RCBTB2: variants seen among roughly 807,000 people sequenced by gnomAD.
The protein encoded by RCBTB2 is RCC1 and BTB domain-containing protein 2.
Under a neutral mutation model 65.4 loss-of-function variants are expected in RCBTB2, and 55 were observed. The ratio of observed to expected loss-of-function variants is 0.84; its 90% CI spans 0.68 to 1.05. The LOEUF (loss-of-function observed/expected upper bound fraction) is 1.05. Among genes scored for constraint, RCBTB2 ranks in the 50% least tolerant of loss-of-function variants. RCBTB2 has a pLI of 0.00. For synonymous variants in RCBTB2, 220 were observed against 255.2 expected (o/e 0.86, Z 1.31); for missense variants, 599 against 680.1 (o/e 0.88, Z 1.33).
intron 3 of RCBTB2, 49 bp from the exon 4 acceptor site, chr13:48,522,011 AC>A: frequency 6.7e-7 from 1 of 1,499,752 alleles, no homozygotes; most frequent in Non-Finnish European, 9.2e-7. Flanking sequence ...GTTCGATGGA[AC>A]CAGGCAGGTT....
At position 48,512,022 on chromosome 13, in the gene RCBTB2, C is replaced by A. The variant is rs754012315; in HGVS notation, c.669G>T (p.Thr223=). The A allele has an allele frequency of 6.2e-7, 1 of 1,613,654 alleles. No individual in the cohort carries two copies. The highest frequency in any genetic ancestry group is 8.5e-7 in the Non-Finnish European group (1 of 1,179,586). The part of the protein sequence containing the change: ...GQMCCMAVVD[T]GEVYVWGYNG... ...TGTAAAATAACTTCCTTACCTCCCCCGTGTCTACTACTGCCATGCAGCACA... is the reference window on the plus strand; with the variant it reads ...TGTAAAATAACTTCCTTACCTCCCCAGTGTCTACTACTGCCATGCAGCACA... Residue 223 remains threonine (T), a synonymous_variant, in exon 8 of 15, where the codon ACG becomes ACT. Transcript: ENST00000344532.
rs1429851406 is a variant in RCBTB2 at position 48,490,198 on chromosome 13, T to TG, written c.1568dup (p.Gln524ThrfsTer11). The stretch of plus-strand genomic sequence containing the variant: ...CCATTTCTGCAAAACCTGATGTTTG[T>TG]GTTACTACAGTCAGATGGTTTATGC... On this transcript the variant is annotated frameshift_variant, in exon 15 of 15. Coordinates refer to ENST00000344532, the MANE Select transcript of RCBTB2 (RefSeq NM_001268.4). LOFTEE classifies it high-confidence loss of function. 1 of 1,613,928 alleles carries TG rather than the reference T, an allele frequency of 6.2e-7. No homozygotes were observed. The highest frequency in any genetic ancestry group is 8.5e-7 in the Non-Finnish European group (1 of 1,179,784).
intron 14 of RCBTB2, among the ~76,000 whole-genome samples, chr13:48,493,316 C>CACACACACACT (rs1566254752): frequency 4.0e-5 from 1 of 24,778 alleles, no homozygotes; most frequent in African/African-American, 1.5e-4. Context: ...CACACACACA[C>CACACACACACT]TCTCTCTCTC....
intron 1 of RCBTB2, among the ~76,000 whole-genome samples, chr13:48,525,405 T>C (rs1951665094): frequency 7.2e-6 from 1 of 138,066 alleles, no homozygotes; most frequent in African/African-American, 2.8e-5. Flanking sequence ...TATATATATA[T>C]ATATATATAT....
chr13:48,527,782 T>C (rs938469519), intron 1 of RCBTB2, among the ~76,000 whole-genome samples: 4 of 152,340 alleles, frequency 2.6e-5, no homozygotes, highest in South Asian at 4.1e-4. Flanking sequence ...ATATTCTATG[T>C]TGAGAGTTTT....
chr13:48,526,974 A>T (rs886290693), intron 1 of RCBTB2, among the ~76,000 whole-genome samples: 3 of 152,168 alleles, frequency 2.0e-5, no homozygotes, highest in African/African-American at 7.2e-5. Context: ...AACATATCCA[A>T]TGAGTAGCAT....
intron 13 of RCBTB2, among the ~76,000 whole-genome samples, chr13:48,497,970 A>G (rs939447180): frequency 1.3e-5 from 2 of 152,188 alleles, no homozygotes; most frequent in African/African-American, 4.8e-5. Flanking sequence ...CAGGGTGGCT[A>G]AGGAGCCACA....
chr13:48,525,325 G>A (rs1269616441), intron 1 of RCBTB2, among the ~76,000 whole-genome samples: 2 of 134,086 alleles, frequency 1.5e-5, no homozygotes, highest in Non-Finnish European at 3.1e-5. Flanking sequence ...CTGCAAATCA[G>A]TAAGAATAAA....
At chr13:48,500,360 C>A (rs1195888550) in intron 12 of RCBTB2, among the ~76,000 whole-genome samples, 1 of 152,104 alleles carries the variant, frequency 6.6e-6, no homozygotes. Flanking sequence ...GAGTTTGAGA[C>A]CAGCCTGGCC....
intron 10 of RCBTB2, 42 bp downstream of exon 10, chr13:48,510,587 C>T (rs1296279800): frequency 1.3e-6 from 2 of 1,596,816 alleles, no homozygotes; most frequent in Non-Finnish European, 1.7e-6. Flanking sequence ...TAATCACAAT[C>T]ACCAAAGACC....
At position 48,525,359 on chromosome 13, in the gene RCBTB2, A is replaced by G. The variant is rs73486817; in HGVS notation, c.-218-602T>C. ...AAACAAACGACACAATTCAAAAGTG[A>G]GCAAAGGATTCATGATATATATATA... On this transcript the variant is annotated intron_variant, in intron 1 of 14. Coordinates refer to ENST00000344532, the MANE Select transcript of RCBTB2 (RefSeq NM_001268.4). Among the ~76,000 whole-genome samples, 607 of 137,992 alleles carry G rather than the reference A, an allele frequency of 4.4e-3. 4 individuals carry two copies. Among genetic ancestry groups the G allele is most frequent in the African/African-American group, 0.015 (572 of 38,124 alleles). 90.5% of individuals were successfully genotyped at this position (137,992 alleles called of 152,430 possible).
At chr13:48,510,457 C>A (rs1433035020) in intron 10 of RCBTB2, among the ~76,000 whole-genome samples, 172 bp downstream of exon 10, 1 of 152,182 alleles carries the variant, frequency 6.6e-6, no homozygotes, top group Non-Finnish European at 1.5e-5. Flanking sequence ...ATTTAACATA[C>A]AATCAACCTC....
rs1237098435 is a variant in RCBTB2, at chr13:48,493,289, C to CCA, written c.1515+2900_1515+2901dup. The stretch of plus-strand genomic sequence containing the variant: ...TCTCTCTCTCACCCTCTCTCTCTCT[C>CCA]CACACACACACACACACACACACAC... On this transcript the variant is annotated intron_variant, in intron 14 of 14. Coordinates refer to ENST00000344532, the MANE Select transcript of RCBTB2 (RefSeq NM_001268.4). 1.4e-3 allele frequency among the ~76,000 whole-genome samples: 141 copies of CCA among 102,336 alleles called. 1 individual carries two copies. The highest frequency in any genetic ancestry group is 5.0e-3 in the African/African-American group (92 of 18,382). The allele number at this position is 102,336 out of a possible 152,430, so 67.1% of individuals were successfully genotyped here. A position where few individuals can be genotyped will look rare whatever the true frequency, so the allele number is the denominator to read the frequency against.
intron 6 of RCBTB2, 145 bp from the exon 7 acceptor site, chr13:48,513,040 A>G: frequency 1.6e-6 from 1 of 637,658 alleles, no homozygotes; most frequent in Non-Finnish European, 2.6e-6. Flanking sequence ...AAGTCATTCT[A>G]CAAAAGAATC....
intron 4 of RCBTB2, among the ~76,000 whole-genome samples, chr13:48,516,967 T>A (rs1350090260): frequency 1.3e-5 from 2 of 152,188 alleles, no homozygotes; most frequent in African/African-American, 2.4e-5. Flanking sequence ...CAACAAAGAT[T>A]TTCTAAGGCC....
Position 48,530,333 on chromosome 13 carries a change from A to C in RCBTB2, c.-219+2695T>G, listed in dbSNP as rs147873740. Among the ~76,000 whole-genome samples the C allele has an allele frequency of 7.0e-3, 1,065 of 152,046 alleles. 11 individuals are homozygous for C. The highest frequency in any genetic ancestry group is 0.023 in the African/African-American group (959 of 41,456). Reference sequence around the variant, plus strand: ...CATAGGGCATAAGCAAATTCCATGGACTCCTTACATTTATGGTCCTAGATT... The same window carrying C: ...CATAGGGCATAAGCAAATTCCATGGCCTCCTTACATTTATGGTCCTAGATT... On this transcript the variant is annotated intron_variant, in intron 1 of 14. Transcript: ENST00000344532.
At chr13:48,523,153 G>C (rs1308578181) in intron 2 of RCBTB2, among the ~76,000 whole-genome samples, 1 of 152,184 alleles carries the variant, frequency 6.6e-6, no homozygotes, top group Admixed American at 6.5e-5. Flanking sequence ...AATATGGAAA[G>C]ATATTCTGTC....
chr13:48,508,869 C>G (rs1308021643), intron 10 of RCBTB2, among the ~76,000 whole-genome samples: 12 of 152,318 alleles, frequency 7.9e-5, no homozygotes, highest in African/African-American at 2.9e-4. Context: ...TGACGCCCCA[C>G]AATCCATCTG....
intron 14 of RCBTB2, among the ~76,000 whole-genome samples, chr13:48,495,336 A>C (rs906218153): frequency 8.5e-5 from 13 of 152,096 alleles, no homozygotes; most frequent in African/African-American, 3.1e-4. Context: ...CTTTTTTTCT[A>C]TGTAGATAAT....
Sources: allele counts gnomAD v4.1 joint callset (sites outside exome capture counted in the v4.1 genomes callset), GRCh38; gene constraint gnomAD v4.1.1; transcripts MANE v1.5; gene names NCBI Gene and HGNC (gene_info 2026-07-23, HGNC 2026-07-21).